The following RANBP1 variants were observed in gnomAD, a reference collection of about 807,000 sequenced individuals.
The protein encoded by RANBP1 is ran-specific GTPase-activating protein.
A neutral mutation model predicts 31.4 loss-of-function variants in RANBP1; 16 were observed. The observed-to-expected ratio is 0.51, with a 90% CI of 0.34 to 0.77. RANBP1 has a LOEUF of 0.77. Ranked by LOEUF, RANBP1 falls within the 30% of genes least tolerant of loss-of-function variation. The probability of loss-of-function intolerance (pLI) is 0.01; values close to 1 mark genes in which losing one functional copy is unlikely to be tolerated. For synonymous variants in RANBP1, 129 were observed against 140.5 expected (o/e 0.92, Z 0.58); for missense variants, 265 against 362.0 (o/e 0.73, Z 2.17).
intron 2 of RANBP1, 174 bp downstream of exon 2, chr22:20,119,323 C>G: frequency 1.6e-6 from 1 of 634,900 alleles, no homozygotes; most frequent in Non-Finnish European, 2.7e-6. Flanking sequence ...TGAATCTTCA[C>G]CAGATGCCCT....
intron 2 of RANBP1, among the ~76,000 whole-genome samples, chr22:20,120,278 C>G (rs1478655952): frequency 6.6e-6 from 1 of 152,230 alleles, no homozygotes; most frequent in East Asian, 1.9e-4. Context: ...ATGGACATCT[C>G]CCTGAAACCA....
chr22:20,116,717 C>G (rs2050035166), intron 1 of RANBP1: 1 of 1,434,038 alleles, frequency 7.0e-7, no homozygotes, highest in Admixed American at 2.2e-5. Flanking sequence ...GCACTCTGCA[C>G]TCAGCCCTGC....
intron 1 of RANBP1, chr22:20,116,707 G>A (rs1344099112): frequency 1.4e-6 from 2 of 1,446,622 alleles, no homozygotes; most frequent in Middle Eastern, 2.3e-4. Flanking sequence ...CTCCGTCGGT[G>A]CACTCTGCAC....
At chr22:20,122,147 C>T (rs72490649) in intron 2 of RANBP1, 117 bp from the exon 3 acceptor site, 61,612 of 1,152,448 alleles carry the variant, frequency 0.053, 1,878 homozygotes, top group South Asian at 0.098. Context: ...TGAAGAAGGG[C>T]TGGGGCGTTC....
chr22:20,116,988 T>C, intron 1 of RANBP1: 1 of 1,492,188 alleles, frequency 6.7e-7, no homozygotes, highest in Non-Finnish European at 9.1e-7. Flanking sequence ...ACAAGGGAAG[T>C]GGCCTGTCAC....
Position 20,118,088 on chromosome 22 carries a change from A to G in RANBP1, c.247-925A>G, listed in dbSNP as rs921958601. 12 of 999,324 alleles carry G rather than the reference A, an allele frequency of 1.2e-5. No homozygotes were observed. In the African/African-American group the frequency reaches 1.9e-4, roughly 16 times the overall value. The allele number at this position is 999,324 out of a possible 1,614,324, so 61.9% of individuals were successfully genotyped here. A position where few individuals can be genotyped will look rare whatever the true frequency, so the allele number is the denominator to read the frequency against. ...TTCGGTTCTTACGTCTGGAACCGCC[A>G]CTGGCCTCTGTGGCAGAAGCTCGCG... On this transcript the variant is annotated intron_variant, in intron 1 of 5. Coordinates refer to ENST00000430524, the MANE Select transcript of RANBP1 (RefSeq NM_001278639.2).
chr22:20,127,056 G>A lies in RANBP1; in HGVS notation c.*4G>A, dbSNP rs536566752. On this transcript the variant is annotated 3_prime_UTR_variant, in exon 6 of 6. Transcript: ENST00000430524. ...GGATGCTGAGGAGAAGCAATAAATC[G>A]TCTTATTTTATTTTCTTTTCCTCTC... is the stretch of plus-strand genomic sequence containing the variant. 20 of 1,593,892 alleles carry A rather than the reference G, an allele frequency of 1.3e-5. No homozygotes were observed. The highest frequency in any genetic ancestry group is 1.8e-5 in the Admixed American group (1 of 55,276).
chr22:20,117,310 G>T, intron 1 of RANBP1: 1 of 969,428 alleles, frequency 1.0e-6, no homozygotes, highest in Non-Finnish European at 1.3e-6. Context: ...GCGCGTGGCC[G>T]GGACGGAAGT....
Position 20,125,296 on chromosome 22 carries a change from C to T in RANBP1, c.542-12C>T, listed in dbSNP as rs1475853441. Reference sequence around the variant, plus strand: ...GTCATCTCACCATCTTCACGAGCTTCTCTCTCTTCAGTCACGCCGATGATG... The same window carrying T: ...GTCATCTCACCATCTTCACGAGCTTTTCTCTCTTCAGTCACGCCGATGATG... On this transcript the variant is annotated splice_polypyrimidine_tract_variant and intron_variant, in intron 3 of 5. Transcript: ENST00000430524. The T allele has an allele frequency of 3.1e-6, 5 of 1,611,392 alleles. No homozygotes were observed. Among genetic ancestry groups the T allele is most frequent in the African/African-American group, 1.3e-5 (1 of 74,862 alleles).
chr22:20,122,722 G>A, intron 3 of RANBP1: 1 of 913,190 alleles, frequency 1.1e-6, no homozygotes, highest in Non-Finnish European at 1.4e-6. Context: ...GCGAGGGGGT[G>A]CTGTGTGTGT....
At chr22:20,122,719 G>A (rs1331338391) in intron 3 of RANBP1, 1 of 1,310,264 alleles carries the variant, frequency 7.6e-7, no homozygotes, top group Non-Finnish European at 9.9e-7. Flanking sequence ...AGGGCGAGGG[G>A]GTGCTGTGTG....
chr22:20,118,007 C>T, intron 1 of RANBP1: 1 of 995,680 alleles, frequency 1.0e-6, no homozygotes, highest in Non-Finnish European at 1.2e-6. Context: ...CCACTTGGGG[C>T]TCCCCACTAG....
chr22:20,118,593 T>C (rs989847399), intron 1 of RANBP1, among the ~76,000 whole-genome samples: 2 of 152,260 alleles, frequency 1.3e-5, no homozygotes, highest in African/African-American at 4.8e-5. Context: ...TTTCAAAATC[T>C]ATTTCGACCC....
At chr22:20,121,639 C>A (rs531804225) in intron 2 of RANBP1, among the ~76,000 whole-genome samples, 8 of 152,038 alleles carry the variant, frequency 5.3e-5, no homozygotes, top group African/African-American at 1.7e-4. Context: ...TGAACTCCTG[C>A]GCTCAAGGGA....
At chr22:20,117,773 G>A (rs1236796926) in intron 1 of RANBP1, 3 of 1,061,868 alleles carry the variant, frequency 2.8e-6, no homozygotes, top group Admixed American at 5.4e-5. Context: ...CGGCCTGCAG[G>A]CTCGGCCGTC....
At chr22:20,123,418 GGGTGTGTGGTGTT>G (rs2050228877) in intron 3 of RANBP1, among the ~76,000 whole-genome samples, 9 of 69,902 alleles carry the variant, frequency 1.3e-4, no homozygotes, top group South Asian at 7.1e-4. Flanking sequence ...GGGGGTGTTG[GGGTGTGTGGTGTT>G]GGGGGGGGTG....
chr22:20,126,167 A>T, intron 4 of RANBP1, 136 bp from the exon 5 acceptor site: 1 of 1,038,384 alleles, frequency 9.6e-7, no homozygotes, highest in Non-Finnish European at 1.4e-6. Flanking sequence ...GGCCGATGTC[A>T]GGTGGACCAG....
At position 20,122,294 on chromosome 22, in the gene RANBP1, G is replaced by A; in HGVS notation, c.414G>A (p.Glu138=). Residue 138 remains glutamate, a synonymous_variant, in exon 3 of 6, where the codon GAG becomes GAA. Coordinates refer to ENST00000430524, the MANE Select transcript of RANBP1 (RefSeq NM_001278639.2). Reference sequence around the variant, plus strand: ...CAAAACTGTTCCGATTTGCCTCTGAGAACGATCTCCCAGAATGGAAGGAGC... The same window carrying A: ...CAAAACTGTTCCGATTTGCCTCTGAAAACGATCTCCCAGAATGGAAGGAGC... ...MRAKLFRFAS[E]NDLPEWKERG... The A allele has an allele frequency of 6.2e-7, 1 of 1,613,116 alleles. No individual in the cohort carries two copies. Among genetic ancestry groups the A allele is most frequent in the Non-Finnish European group, 8.5e-7 (1 of 1,179,826 alleles).
At chr22:20,118,047 C>T in intron 1 of RANBP1, 3 of 993,640 alleles carry the variant, frequency 3.0e-6, no homozygotes, top group Non-Finnish European at 3.6e-6. Flanking sequence ...CCGTCGCCCA[C>T]GCAGCACTTC....
Sources: gnomAD v4.1 joint callset for allele counts (sites outside exome capture counted in the v4.1 genomes callset) on GRCh38, gnomAD v4.1.1 for gene constraint, MANE v1.5 for transcripts, NCBI Gene and HGNC (gene_info 2026-07-23, HGNC 2026-07-21) for gene names.